BLTP2: variants seen among roughly 807,000 people sequenced by gnomAD.
BLTP2 encodes U937-associated antigen.
chr17:28,620,611 G>A, the BLTP2 span: 70 of 1,613,962 alleles, frequency 4.3e-5, no homozygotes, highest in Non-Finnish European at 5.9e-5. Flanking sequence ...GGTGGATAAG[G>A]GTGAAGGTAT....
the BLTP2 span, chr17:28,645,086 C>G: frequency 1.3e-6 from 2 of 1,556,070 alleles, no homozygotes; most frequent in Non-Finnish European, 1.7e-6. Flanking sequence ...GGCTTGGCCC[C>G]GGCCCCCGCC....
the BLTP2 span, among the ~76,000 whole-genome samples, chr17:28,632,441 C>T: frequency 6.6e-6 from 1 of 152,170 alleles, no homozygotes; most frequent in East Asian, 1.9e-4. Flanking sequence ...TAAATGTTTG[C>T]ATCTCCCCAA....
the BLTP2 span, chr17:28,638,594 G>C: frequency 1.2e-4 from 198 of 1,613,736 alleles, no homozygotes; most frequent in Admixed American, 6.2e-4. Flanking sequence ...TGTTGACATT[G>C]GAGATGGAGG....
the BLTP2 span, chr17:28,635,465 T>C: frequency 3.7e-6 from 6 of 1,614,094 alleles, no homozygotes; most frequent in Non-Finnish European, 5.1e-6. Flanking sequence ...GTTCCTGAAG[T>C]CTCTAGTGCA....
chr17:28,635,522 G>C, the BLTP2 span: 2 of 1,614,156 alleles, frequency 1.2e-6, no homozygotes, highest in Admixed American at 3.3e-5. Context: ...AGTAGGTCTC[G>C]GCACTGTAGA....
At chr17:28,638,829 C>T in the BLTP2 span, among the ~76,000 whole-genome samples, 8 of 152,246 alleles carry the variant, frequency 5.3e-5, no homozygotes, top group Non-Finnish European at 7.4e-5. Flanking sequence ...TGGTAATCTG[C>T]AGGAACCCCA....
chr17:28,620,714 C>G, the BLTP2 span: 6 of 1,461,388 alleles, frequency 4.1e-6, no homozygotes, highest in African/African-American at 1.4e-5. Flanking sequence ...TTTGGAACCA[C>G]CCCACTAGTC....
the BLTP2 span, chr17:28,639,621 C>T: frequency 5.0e-6 from 8 of 1,614,054 alleles, no homozygotes; most frequent in Non-Finnish European, 6.8e-6. Context: ...GCGTTGGCGA[C>T]TCTGGGACAA....
At chr17:28,620,912 C>T in the BLTP2 span, 1 of 1,388,824 alleles carries the variant, frequency 7.2e-7, no homozygotes. Context: ...ACTCTACTGT[C>T]TCAAAACCAC....
At chr17:28,621,285 C>G in the BLTP2 span, 1 of 1,430,456 alleles carries the variant, frequency 7.0e-7, no homozygotes, top group Non-Finnish European at 9.8e-7. Context: ...CAGCCTAGCA[C>G]AAAATGGTCC....
the BLTP2 span, among the ~76,000 whole-genome samples, chr17:28,624,897 A>C: frequency 6.6e-6 from 1 of 151,848 alleles, no homozygotes; most frequent in Non-Finnish European, 1.5e-5. Context: ...CTTTCTCTTA[A>C]TGGGTTTGTC....
At chr17:28,621,641 C>A in the BLTP2 span, 1 of 654,628 alleles carries the variant, frequency 1.5e-6, no homozygotes. Flanking sequence ...ACCATATCTC[C>A]CAGGATAGAG....
chr17:28,615,015 A>C, the BLTP2 span: 1 of 1,551,102 alleles, frequency 6.4e-7, no homozygotes, highest in Non-Finnish European at 8.8e-7. Context: ...AAGTCCCTGG[A>C]GCCTGAGCCA....
chr17:28,620,206 C>T, the BLTP2 span: 1 of 648,702 alleles, frequency 1.5e-6, no homozygotes, highest in Non-Finnish European at 2.6e-6. Context: ...ATAGGTCAGG[C>T]CCAACAGGAT....
the BLTP2 span, chr17:28,645,145 A>T: frequency 1.8e-6 from 2 of 1,103,310 alleles, no homozygotes; most frequent in Non-Finnish European, 2.4e-6. Flanking sequence ...CGGGCCGACC[A>T]GCTGCGCGCG....
At chr17:28,629,541 G>T in the BLTP2 span, among the ~76,000 whole-genome samples, 3 of 152,196 alleles carry the variant, frequency 2.0e-5, no homozygotes, top group South Asian at 6.2e-4. Flanking sequence ...GCAATGGTGC[G>T]ATCTCAGCTG....
the BLTP2 span, chr17:28,617,115 T>C: frequency 1.7e-6 from 2 of 1,181,684 alleles, no homozygotes; most frequent in Non-Finnish European, 2.5e-6. Context: ...CTGGGCAAGC[T>C]TTCACCCTCT....
chr17:28,618,872 A>G, the BLTP2 span: 2 of 1,614,212 alleles, frequency 1.2e-6, no homozygotes, highest in South Asian at 1.1e-5. Flanking sequence ...ACCGTGCCTG[A>G]GCAAAGTAAA....
chr17:28,631,415 C>A, the BLTP2 span: 1 of 1,434,620 alleles, frequency 7.0e-7, no homozygotes, highest in Non-Finnish European at 9.7e-7. Flanking sequence ...GTTATGGCAG[C>A]CCAAGTAGGC....
Sources: allele counts gnomAD v4.1 joint callset (sites outside exome capture counted in the v4.1 genomes callset), GRCh38; gene constraint gnomAD v4.1.1; transcripts MANE v1.5; gene names NCBI Gene and HGNC (gene_info 2026-07-23, HGNC 2026-07-21).